KAZN: variants seen among roughly 807,000 people sequenced by gnomAD.
KAZN encodes the protein kazrin.
A neutral mutation model predicts 87.4 loss-of-function variants in KAZN; 40 were observed. The observed-to-expected ratio is 0.46, with a 90% CI of 0.36 to 0.60. The LOEUF (loss-of-function observed/expected upper bound fraction) is 0.60. KAZN is among the 20% of genes least tolerant of loss of function. KAZN has a pLI of 0.00. For synonymous variants in KAZN, 466 were observed against 458.3 expected, an observed-to-expected ratio of 1.02 and a Z score of -0.22; for missense variants, 898 against 1,073.9, an observed-to-expected ratio of 0.84 and a Z score of 2.29.
At chr1:14,064,287 A>G (rs61775664) in intron 1 of KAZN, among the ~76,000 whole-genome samples, 38,781 of 152,066 alleles carry the variant, frequency 0.26, 5,388 homozygotes, top group African/African-American at 0.36. Context: ...GGGGGCTCTA[A>G]ATTGACAGCG....
intron 2 of KAZN, among the ~76,000 whole-genome samples, chr1:14,466,910 A>G (rs7534817): frequency 0.62 from 94,307 of 152,040 alleles, 31,165 homozygotes; most frequent in Non-Finnish European, 0.76. Context: ...TGGAGGTTGC[A>G]GTGAGCCGAG....
intron 1 of KAZN, among the ~76,000 whole-genome samples, chr1:14,715,352 C>G (rs986163852): frequency 5.3e-5 from 8 of 152,178 alleles, no homozygotes; most frequent in African/African-American, 1.9e-4. Context: ...GGGGCTGGGT[C>G]CTTGCCTATA....
chr1:15,032,476 G>C (rs12758615), intron 2 of KAZN, among the ~76,000 whole-genome samples: 26,379 of 151,768 alleles, frequency 0.17, 2,656 homozygotes, highest in African/African-American at 0.26. Flanking sequence ...ACAGGCATGA[G>C]CCACCGCGCC....
At chr1:14,455,411 C>A (rs1349718792) in intron 2 of KAZN, among the ~76,000 whole-genome samples, 1 of 152,148 alleles carries the variant, frequency 6.6e-6, no homozygotes, top group Non-Finnish European at 1.5e-5. Flanking sequence ...TCCTGTATTA[C>A]AGAATACCGG....
At chr1:14,404,215 A>G (rs370737859) in intron 2 of KAZN, among the ~76,000 whole-genome samples, 1 of 152,276 alleles carries the variant, frequency 6.6e-6, no homozygotes, top group East Asian at 1.9e-4. Context: ...CATGGTGACA[A>G]AGAAAAGGGA....
intron 1 of KAZN, among the ~76,000 whole-genome samples, chr1:14,625,444 GA>G (rs1402242611): frequency 6.6e-6 from 1 of 152,168 alleles, no homozygotes; most frequent in Non-Finnish European, 1.5e-5. Flanking sequence ...AGTGGAAAAT[GA>G]ACAGTTTAAA....
At chr1:14,005,618 A>G (rs1218544346) in intron 1 of KAZN, among the ~76,000 whole-genome samples, 1 of 152,204 alleles carries the variant, frequency 6.6e-6, no homozygotes, top group Non-Finnish European at 1.5e-5. Flanking sequence ...AAAAAATGGA[A>G]TTTGAACTGA....
At chr1:13,926,320 G>T (rs1377509991) in intron 1 of KAZN, among the ~76,000 whole-genome samples, 1 of 152,130 alleles carries the variant, frequency 6.6e-6, no homozygotes, top group African/African-American at 2.4e-5. Context: ...CTCCCTGCTG[G>T]GAGAATAGGG....
intron 1 of KAZN, among the ~76,000 whole-genome samples, chr1:13,965,263 G>T (rs1442640399): frequency 6.6e-6 from 1 of 152,134 alleles, no homozygotes; most frequent in Non-Finnish European, 1.5e-5. Flanking sequence ...GGTCCAAGCA[G>T]GGGGACCTGA....
At chr1:14,158,645 G>A (rs770494522) in intron 1 of KAZN, among the ~76,000 whole-genome samples, 7 of 152,108 alleles carry the variant, frequency 4.6e-5, no homozygotes, top group Non-Finnish European at 1.0e-4. Flanking sequence ...TTTCCTGGAT[G>A]CTGTTGTTGC....
At chr1:14,922,339 GGTGCT>G (rs1658615599) in intron 1 of KAZN, among the ~76,000 whole-genome samples, 1 of 152,096 alleles carries the variant, frequency 6.6e-6, no homozygotes, top group African/African-American at 2.4e-5. Flanking sequence ...TCCGCTCTCG[GGTGCT>G]CAGAGTGATC....
intron 2 of KAZN, among the ~76,000 whole-genome samples, chr1:14,570,971 G>A (rs1031975696): frequency 3.3e-5 from 5 of 152,040 alleles, no homozygotes; most frequent in Admixed American, 2.0e-4. Context: ...CTCATCTGCA[G>A]CTTCTCCCTG....
At chr1:15,082,024 G>A (rs1573268597) in intron 8 of KAZN, among the ~76,000 whole-genome samples, 1 of 152,302 alleles carries the variant, frequency 6.6e-6, no homozygotes, top group East Asian at 1.9e-4. Flanking sequence ...ATAGGAGATG[G>A]TGGAGCCAAC....
In KAZN at chr1:13,905,888, A is replaced by G. The variant is rs1052332681; in HGVS notation, c.91+12132A>G. Among the ~76,000 whole-genome samples the G allele has an allele frequency of 2.6e-5, 4 of 152,324 alleles. No individual in the cohort carries two copies. The East Asian group carries it at 7.7e-4, about 29-fold the overall frequency. On this transcript the variant is annotated intron_variant, in intron 1 of 16. Transcript: ENST00000636203. ...ATATTATCTCATTGTTCCGCAGGCC[A>G]GAAATCCAAAATCAGTATCTCTGGA...
intron 1 of KAZN, among the ~76,000 whole-genome samples, chr1:14,739,991 A>G (rs1165642983): frequency 6.6e-6 from 1 of 152,168 alleles, no homozygotes; most frequent in Non-Finnish European, 1.5e-5. Flanking sequence ...TTTGCTGAGC[A>G]GTTGAGAACG....
intron 1 of KAZN, among the ~76,000 whole-genome samples, chr1:14,048,395 CT>C (rs34631391): frequency 0.55 from 79,804 of 145,512 alleles, 21,810 homozygotes; most frequent in East Asian, 0.7. Context: ...TAAAATACTT[CT>C]TTTTTTTTTT....
intron 1 of KAZN, among the ~76,000 whole-genome samples, chr1:14,916,200 C>T (rs1460304663): frequency 1.9e-5 from 2 of 106,252 alleles, no homozygotes; most frequent in African/African-American, 3.6e-5. Flanking sequence ...GACAGAGTCT[C>T]GCTTTGTCAC....
intron 1 of KAZN, among the ~76,000 whole-genome samples, chr1:14,877,439 C>T (rs554239567): frequency 1.3e-5 from 2 of 152,284 alleles, no homozygotes; most frequent in African/African-American, 4.8e-5. Flanking sequence ...CATCATGGGC[C>T]AATCCCTGAG....
At chr1:14,788,821 C>G (rs1289789419) in intron 1 of KAZN, among the ~76,000 whole-genome samples, 1 of 152,016 alleles carries the variant, frequency 6.6e-6, no homozygotes, top group Non-Finnish European at 1.5e-5. Flanking sequence ...AGGAGGTCAC[C>G]TAAGAAGGGA....
Sources: gnomAD v4.1 joint callset for allele counts (sites outside exome capture counted in the v4.1 genomes callset) on GRCh38, gnomAD v4.1.1 for gene constraint, MANE v1.5 for transcripts, NCBI Gene and HGNC (gene_info 2026-07-23, HGNC 2026-07-21) for gene names.